TMEM260: variants seen among roughly 807,000 people sequenced by gnomAD.
The protein encoded by TMEM260 is protein O-mannosyl-transferase TMEM260.
TMEM260 carries 82 observed loss-of-function variants against 88.9 expected under a neutral mutation model. The observed-to-expected ratio is 0.92, with a 90% CI of 0.77 to 1.11. TMEM260 has a LOEUF of 1.11. Ranked by LOEUF, TMEM260 falls within the 50% of genes least tolerant of loss-of-function variation. The pLI is 0.00. For synonymous variants in TMEM260, 314 were observed against 309.3 expected, an observed-to-expected ratio of 1.02 and a Z score of -0.16; for missense variants, 902 against 853.4, an observed-to-expected ratio of 1.06 and a Z score of -0.71.
intron 11 of TMEM260, 24 bp downstream of exon 11, chr14:56,621,726 A>C: frequency 6.4e-7 from 1 of 1,572,846 alleles, no homozygotes; most frequent in Non-Finnish European, 8.6e-7. Context: ...AAATATACTT[A>C]GAATATAGCG....
At chr14:56,638,300 C>A (rs1889279050) in intron 15 of TMEM260, 1 of 151,820 alleles carries the variant, frequency 6.6e-6, no homozygotes, top group South Asian at 2.1e-4. Flanking sequence ...AAGAACCTTT[C>A]CAGGCCTTGA....
At chr14:56,661,613 GT>G in the TMEM260 span, among the ~76,000 whole-genome samples, 6 of 152,062 alleles carry the variant, frequency 3.9e-5, no homozygotes, top group African/African-American at 1.4e-4. Flanking sequence ...AGGGAAAATT[GT>G]AGTGAAACAG....
Position 56,608,965 on chromosome 14 carries a change from G to A in TMEM260, c.637-141G>A, listed in dbSNP as rs576779578. 17 of 875,254 alleles carry A rather than the reference G, an allele frequency of 1.9e-5. No individual in the cohort carries two copies. The South Asian group carries it at 3.0e-4, about 15-fold the overall frequency. The allele number at this position is 875,254 out of a possible 1,614,324, so 54.2% of individuals were successfully genotyped here. A position where few individuals can be genotyped will look rare whatever the true frequency, so the allele number is the denominator to read the frequency against. ...CGTAGTAATCAGAAGGTTTAACATAGTATTCTGTGGTGACTTAATATAAAT... is the reference window on the plus strand; with the variant it reads ...CGTAGTAATCAGAAGGTTTAACATAATATTCTGTGGTGACTTAATATAAAT... On this transcript the variant is annotated intron_variant, in intron 5 of 15. Coordinates refer to ENST00000261556, the MANE Select transcript of TMEM260 (RefSeq NM_017799.4).
chr14:56,611,229 G>C (rs1887255251), intron 6 of TMEM260, among the ~76,000 whole-genome samples: 1 of 152,050 alleles, frequency 6.6e-6, no homozygotes, highest in Admixed American at 6.6e-5. Flanking sequence ...GCCTCCCAAA[G>C]TGCTGGGATT....
chr14:56,630,031 A>C lies in TMEM260; in HGVS notation c.1548-2964A>C, dbSNP rs1384148526. On this transcript the variant is annotated intron_variant, in intron 12 of 15. Transcript: ENST00000261556. Reference sequence around the variant, plus strand: ...ACTCCAGCCTAGGCAACAGAGCAAAACCCTATCTCAGAAAAAAAAAAAGAA... The same window carrying C: ...ACTCCAGCCTAGGCAACAGAGCAAACCCCTATCTCAGAAAAAAAAAAAGAA... Among the ~76,000 whole-genome samples the C allele has an allele frequency of 1.2e-3, 182 of 149,900 alleles. 4 individuals are homozygous for C. The highest frequency in any genetic ancestry group is 7.4e-5 in the Non-Finnish European group (5 of 67,732).
At chr14:56,656,883 A>C in the TMEM260 span, among the ~76,000 whole-genome samples, 2 of 152,172 alleles carry the variant, frequency 1.3e-5, no homozygotes, top group African/African-American at 4.8e-5. Context: ...CAATCTGTGC[A>C]CACGCATGCA....
chr14:56,607,017 T>C (rs1466628374), intron 5 of TMEM260, among the ~76,000 whole-genome samples: 2 of 152,252 alleles, frequency 1.3e-5, no homozygotes, highest in Non-Finnish European at 2.9e-5. Context: ...GTAAATCTTA[T>C]TAAACAGCAT....
chr14:56,635,037 G>T, intron 14 of TMEM260, 85 bp downstream of exon 14: 6 of 1,154,262 alleles, frequency 5.2e-6, no homozygotes, highest in Non-Finnish European at 7.8e-6. Flanking sequence ...TTGAGAGTAG[G>T]GGTGAGTAGT....
the TMEM260 span, among the ~76,000 whole-genome samples, chr14:56,660,056 C>T: frequency 6.6e-5 from 10 of 152,180 alleles, no homozygotes; most frequent in Non-Finnish European, 1.0e-4. Context: ...ATAAATTTCA[C>T]GCCTTGCATT....
At chr14:56,634,109 A>G (rs1054826962) in intron 13 of TMEM260, among the ~76,000 whole-genome samples, 3 of 152,268 alleles carry the variant, frequency 2.0e-5, no homozygotes, top group Admixed American at 6.5e-5. Context: ...ATACATAGTA[A>G]GAAAATTTTT....
intron 3 of TMEM260, among the ~76,000 whole-genome samples, chr14:56,600,041 A>T (rs1388193325): frequency 6.6e-6 from 1 of 152,240 alleles, no homozygotes; most frequent in Non-Finnish European, 1.5e-5. Context: ...CCCACATATT[A>T]ACTGTCATAA....
chr14:56,616,814 A>G (rs898908283), intron 8 of TMEM260, among the ~76,000 whole-genome samples: 2 of 152,220 alleles, frequency 1.3e-5, no homozygotes, highest in South Asian at 4.1e-4. Flanking sequence ...TTATACTAAC[A>G]TATATTGTCA....
At position 56,647,634 on chromosome 14, in the gene TMEM260, C is replaced by A; in HGVS notation, c.*137C>A. On this transcript the variant is annotated 3_prime_UTR_variant, in exon 16 of 16. Transcript: ENST00000261556. Reference sequence around the variant, plus strand: ...CCCAGATATAAGTATCATGGTCCAGCAGTACTGTTTAATGGGGTATTCAGT... The same window carrying A: ...CCCAGATATAAGTATCATGGTCCAGAAGTACTGTTTAATGGGGTATTCAGT... 1 of 999,430 alleles carries A rather than the reference C, an allele frequency of 1.0e-6. No homozygotes were observed. The highest frequency in any genetic ancestry group is 1.4e-6 in the Non-Finnish European group (1 of 704,436). 61.9% of individuals were successfully genotyped at this position (999,430 alleles called of 1,614,324 possible).
At chr14:56,605,223 G>A (rs1201289774) in intron 4 of TMEM260, among the ~76,000 whole-genome samples, 3 of 152,040 alleles carry the variant, frequency 2.0e-5, no homozygotes, top group African/African-American at 7.2e-5. Flanking sequence ...TTTAATAGGA[G>A]AAAAAACAAT....
intron 15 of TMEM260, among the ~76,000 whole-genome samples, chr14:56,637,424 G>A (rs533848195): frequency 7.2e-5 from 11 of 152,272 alleles, no homozygotes; most frequent in South Asian, 2.1e-4. Context: ...ACACAGCCAC[G>A]CTGAAGGTCT....
Position 56,615,006 on chromosome 14 carries a change from G to A in TMEM260, c.858-938G>A, listed in dbSNP as rs145155569. Reference sequence around the variant, plus strand: ...CCTTAGGCAGTGACCATCTTTTAGCGCTTACACTTAAGCAATAGATCTCCA... The same window carrying A: ...CCTTAGGCAGTGACCATCTTTTAGCACTTACACTTAAGCAATAGATCTCCA... On this transcript the variant is annotated intron_variant, in intron 7 of 15. Transcript: ENST00000261556. Among the ~76,000 whole-genome samples, 186 of 152,254 alleles carry A rather than the reference G, an allele frequency of 1.2e-3. 2 individuals are homozygous for A. Among genetic ancestry groups the A allele is most frequent in the African/African-American group, 4.1e-3 (172 of 41,554 alleles).
downstream of TMEM260, among the ~76,000 whole-genome samples, chr14:56,655,386 C>CA (rs113654913): frequency 0.085 from 7,972 of 94,262 alleles, 406 homozygotes; most frequent in Middle Eastern, 0.2. Context: ...GACTCCATCT[C>CA]AAAAAAAAAA....
chr14:56,636,457 A>G (rs1221559894), intron 14 of TMEM260, 51 bp from the exon 15 acceptor site: 3 of 1,426,294 alleles, frequency 2.1e-6, no homozygotes, highest in Admixed American at 1.7e-5. Context: ...CTAGCCCTGA[A>G]TGTGCAATTG....
intron 7 of TMEM260, 150 bp from the exon 8 acceptor site, chr14:56,615,794 T>C (rs963271511): frequency 1.2e-5 from 7 of 598,788 alleles, no homozygotes; most frequent in African/African-American, 1.1e-4. Flanking sequence ...TTGCACTTTT[T>C]CTTCCAACTT....
Sources: gnomAD v4.1 joint callset for allele counts (sites outside exome capture counted in the v4.1 genomes callset) on GRCh38, gnomAD v4.1.1 for gene constraint, MANE v1.5 for transcripts, NCBI Gene and HGNC (gene_info 2026-07-23, HGNC 2026-07-21) for gene names.